Variants in AKAP13 observed in about 807,000 individuals in gnomAD.
AKAP13 encodes the protein A-kinase anchor protein 13.
In AKAP13, 80 loss-of-function variants were observed where a neutral mutation model predicts 264.5. That is an observed-to-expected ratio of 0.30 (90% confidence interval 0.25 to 0.36). The LOEUF (loss-of-function observed/expected upper bound fraction) is 0.36, where lower values mean the gene tolerates loss of function less well. Ranked by LOEUF, AKAP13 falls within the 10% of genes least tolerant of loss-of-function variation. AKAP13 has a pLI of 1.00. For synonymous variants in AKAP13, 1,380 were observed against 1,250.2 expected (o/e 1.10, Z -2.19); for missense variants, 3,712 against 3,435.2 (o/e 1.08, Z -2.01).
intron 10 of AKAP13, among the ~76,000 whole-genome samples, chr15:85,650,288 A>G (rs894141742): frequency 1.4e-4 from 21 of 151,918 alleles, no homozygotes; most frequent in African/African-American, 4.8e-4. Flanking sequence ...AAAATTAGCC[A>G]GGCATGGTGG....
chr15:85,613,807 T>C (rs1446127408), intron 8 of AKAP13, among the ~76,000 whole-genome samples: 1 of 150,748 alleles, frequency 6.6e-6, no homozygotes, highest in Non-Finnish European at 1.5e-5. Flanking sequence ...TTCAGATTTA[T>C]GAATGATACA....
intron 14 of AKAP13, among the ~76,000 whole-genome samples, chr15:85,672,719 A>G (rs1013535325): frequency 2.6e-5 from 4 of 152,238 alleles, no homozygotes; most frequent in Non-Finnish European, 5.9e-5. Flanking sequence ...TTCAACTGTT[A>G]AATGGGGATG....
intron 3 of AKAP13, among the ~76,000 whole-genome samples, 189 bp from the exon 4 acceptor site, chr15:85,533,395 A>T (rs563464774): frequency 1.3e-5 from 2 of 152,330 alleles, no homozygotes; most frequent in South Asian, 4.1e-4. Flanking sequence ...ATTTGCAAAT[A>T]ATGTTAAAAG....
chr15:85,592,513 T>C (rs775860351), intron 8 of AKAP13, among the ~76,000 whole-genome samples: 2 of 152,222 alleles, frequency 1.3e-5, no homozygotes, highest in Non-Finnish European at 2.9e-5. Context: ...TCACATAGTT[T>C]TGTGGTGTGT....
chr15:85,394,256 C>G (rs1177915079), intron 1 of AKAP13, among the ~76,000 whole-genome samples: 1 of 152,208 alleles, frequency 6.6e-6, no homozygotes, highest in Non-Finnish European at 1.5e-5. Context: ...ACCTGCCTAG[C>G]TTTCAGCCCA....
At chr15:85,401,448 T>C (rs1470301368) in intron 1 of AKAP13, among the ~76,000 whole-genome samples, 2 of 152,202 alleles carry the variant, frequency 1.3e-5, no homozygotes, top group Non-Finnish European at 2.9e-5. Context: ...TGGAAATCTT[T>C]TGGGGCAAGG....
rs577016559 is a variant in AKAP13, at chr15:85,540,073, T to C, written c.479-3699T>C. ...CACTAAGAGAAATAATATGTTGAGA[T>C]TTATTACAAGGAATGGCGCCTTTGA... On this transcript the variant is annotated intron_variant, in intron 4 of 36. Coordinates refer to ENST00000394518, the MANE Select transcript of AKAP13 (RefSeq NM_007200.5). 2.3e-4 allele frequency among the ~76,000 whole-genome samples: 35 copies of C among 152,222 alleles called. 1 individual carries two copies. The highest frequency in any genetic ancestry group is 9.2e-4 in the Admixed American group (14 of 15,278).
At chr15:85,419,554 A>C (rs1303091021) in intron 1 of AKAP13, among the ~76,000 whole-genome samples, 1 of 152,212 alleles carries the variant, frequency 6.6e-6, no homozygotes, top group Non-Finnish European at 1.5e-5. Flanking sequence ...TAAGAGTGAA[A>C]GATTCTTGGT....
intron 16 of AKAP13, among the ~76,000 whole-genome samples, chr15:85,687,764 G>A (rs1010949346): frequency 4.0e-5 from 6 of 151,600 alleles, no homozygotes; most frequent in Non-Finnish European, 8.8e-5. Flanking sequence ...GTGGGGGTGG[G>A]GCACAGTGGT....
chr15:85,421,939 C>T (rs1254505425), intron 1 of AKAP13, among the ~76,000 whole-genome samples: 1 of 152,206 alleles, frequency 6.6e-6, no homozygotes, highest in African/African-American at 2.4e-5. Flanking sequence ...TACTCTATCT[C>T]TCATATATCC....
At chr15:85,443,516 T>C (rs1194639872) in intron 1 of AKAP13, among the ~76,000 whole-genome samples, 1 of 152,206 alleles carries the variant, frequency 6.6e-6, no homozygotes, top group Admixed American at 6.5e-5. Flanking sequence ...ATTATTATTA[T>C]TTGTTTTTGT....
At chr15:85,624,091 G>C (rs994517262) in intron 8 of AKAP13, among the ~76,000 whole-genome samples, 4 of 152,202 alleles carry the variant, frequency 2.6e-5, no homozygotes, top group African/African-American at 7.2e-5. Context: ...AAAGGAAGCA[G>C]GTCAGAATCA....
At chr15:85,680,270 A>G (rs1468277112) in intron 14 of AKAP13, among the ~76,000 whole-genome samples, 2 of 152,320 alleles carry the variant, frequency 1.3e-5, no homozygotes, top group Admixed American at 6.5e-5. Context: ...CTTGGGCAGA[A>G]AAGGTTTTAA....
intron 19 of AKAP13, among the ~76,000 whole-genome samples, chr15:85,712,865 C>T (rs2086706672): frequency 6.6e-6 from 1 of 152,122 alleles, no homozygotes; most frequent in Non-Finnish European, 1.5e-5. Flanking sequence ...ATTCTTATTC[C>T]TGTTGTACTC....
intron 1 of AKAP13, among the ~76,000 whole-genome samples, chr15:85,476,278 G>A (rs1316124237): frequency 6.6e-6 from 1 of 152,136 alleles, no homozygotes; most frequent in African/African-American, 2.4e-5. Flanking sequence ...GAGGGGTAGT[G>A]GGGGCATGGT....
intron 5 of AKAP13, among the ~76,000 whole-genome samples, chr15:85,567,568 G>T (rs986095829): frequency 1.3e-5 from 2 of 152,178 alleles, no homozygotes; most frequent in African/African-American, 4.8e-5. Flanking sequence ...GGGAAGAGGG[G>T]CAGACACTAA....
Position 85,405,623 on chromosome 15 carries a change from C to T in AKAP13, c.-12+24825C>T, listed in dbSNP as rs2071624709. ...GTTTTAGTTACAGAAATATGAGATA[C>T]AAAGAAGCTAGGATACTTATTGAGC... On this transcript the variant is annotated intron_variant, in intron 1 of 36. Transcript: ENST00000394518. Among the ~76,000 whole-genome samples the T allele has an allele frequency of 2.6e-5, 4 of 152,142 alleles. No individual in the cohort carries two copies. In the South Asian group the frequency reaches 6.2e-4, roughly 24 times the overall value.
chr15:85,624,938 A>G (rs1381850275), intron 8 of AKAP13, among the ~76,000 whole-genome samples: 1 of 152,232 alleles, frequency 6.6e-6, no homozygotes, highest in African/African-American at 2.4e-5. Flanking sequence ...GGTAACTTCC[A>G]TTATCCCATA....
rs748553049 is a variant in AKAP13 at position 85,741,273 on chromosome 15, G to T, written c.7836G>T (p.Leu2612=). 8 of 1,609,904 alleles carry T rather than the reference G, an allele frequency of 5.0e-6. No homozygotes were observed. The African/African-American group carries it at 5.3e-5, about 11-fold the overall frequency. The change falls in exon 35 of 37, where the codon CTG becomes CTT. Residue 2612 remains leucine, a synonymous_variant. Transcript: ENST00000394518. ...AGTGGGAAGCTCGTGAGAGGGAGCTGCGGGAGCGGGAGGCCCTCCTGGCCC... is the reference window on the plus strand; with the variant it reads ...AGTGGGAAGCTCGTGAGAGGGAGCTTCGGGAGCGGGAGGCCCTCCTGGCCC... ...EREWEARERE[L]REREALLAQR... is the part of the protein sequence containing the mutation.
Sources: gnomAD v4.1 joint callset for allele counts (sites outside exome capture counted in the v4.1 genomes callset) on GRCh38, gnomAD v4.1.1 for gene constraint, MANE v1.5 for transcripts, NCBI Gene and HGNC (gene_info 2026-07-23, HGNC 2026-07-21) for gene names.